Variants in OXNAD1 observed in about 807,000 individuals in gnomAD.
OXNAD1 encodes the protein oxidoreductase NAD-binding domain-containing protein 1.
Under a neutral mutation model 32.9 loss-of-function variants are expected in OXNAD1, and 34 were observed. The observed-to-expected ratio is 1.03, with a 90% confidence interval of 0.79 to 1.38. The LOEUF is 1.38. Ranked by LOEUF, OXNAD1 falls within the 40% of genes most tolerant of loss-of-function variation. The pLI is 0.00. For synonymous variants in OXNAD1, 134 were observed against 135.2 expected, an observed-to-expected ratio of 0.99 and a Z score of 0.06; for missense variants, 407 against 379.4, an observed-to-expected ratio of 1.07 and a Z score of -0.60.
At position 16,288,768 on chromosome 3, in the gene OXNAD1, G is replaced by A. The variant is rs968736332; in HGVS notation, c.290+2320G>A. Among the ~76,000 whole-genome samples, 3 of 152,210 alleles carry A rather than the reference G, an allele frequency of 2.0e-5. No homozygotes were observed. Among genetic ancestry groups the A allele is most frequent in the African/African-American group, 7.2e-5 (3 of 41,446 alleles). ...GCCTACCACTTGCTAGCTCCTTGGT[G>A]AGGCCTGCCCTTGACCAGAATTCCT... On this transcript the variant is annotated intron_variant, in intron 5 of 8. Transcript: ENST00000285083. The surrounding 1 kb of genome is among the most constrained non-coding windows in gnomAD (Gnocchi z 5.1).
At chr3:16,332,858 C>T (rs2070464761) in intron 9 of OXNAD1, among the ~76,000 whole-genome samples, 1 of 151,910 alleles carries the variant, frequency 6.6e-6, no homozygotes, top group African/African-American at 2.4e-5. Flanking sequence ...TACCTACCTA[C>T]AATTGAACCT....
downstream of OXNAD1, among the ~76,000 whole-genome samples, chr3:16,310,779 C>T (rs934664492): frequency 2.6e-5 from 4 of 152,060 alleles, no homozygotes; most frequent in African/African-American, 4.8e-5. Flanking sequence ...CACCTGAGGT[C>T]GGGAGTTCAA....
Position 16,303,430 on chromosome 3 carries a change from G to C in OXNAD1, c.807G>C (p.Glu269Asp). The change falls in exon 9 of 9, where the codon GAG (glutamate) becomes GAC (aspartate). Residue 269 changes from glutamate to aspartate, a missense_variant. Glu to Asp is a conservative substitution (Grantham distance 45, BLOSUM62 2). Coordinates refer to ENST00000285083, the MANE Select transcript of OXNAD1 (RefSeq NM_138381.5). This position sits in a 1 kb window ranked among gnomAD's most constrained non-coding sequence, Gnocchi z 4.8. ...YITEGRITEK[E>D]IRDHISKETL... is the part of the protein sequence containing the mutation. ...TAGAAGGAAGAATAACGGAGAAGGAGATAAGAGATCATATTTCAAAAGAGA... is the reference window on the plus strand; with the variant it reads ...TAGAAGGAAGAATAACGGAGAAGGACATAAGAGATCATATTTCAAAAGAGA... 1 of 1,613,970 alleles carries C rather than the reference G, an allele frequency of 6.2e-7. No homozygotes were observed. The highest frequency in any genetic ancestry group is 8.5e-7 in the Non-Finnish European group (1 of 1,179,874).
downstream of OXNAD1, among the ~76,000 whole-genome samples, chr3:16,351,304 G>C (rs547972989): frequency 3.3e-5 from 5 of 152,300 alleles, no homozygotes; most frequent in Admixed American, 2.6e-4. The surrounding 1 kb of genome is among the most constrained non-coding windows in gnomAD (Gnocchi z 5.4). Context: ...CCAGTCAGGA[G>C]CCTCCATACA....
rs690573 is a variant in OXNAD1, at chr3:16,334,933, G to T, written c.*31-2179G>T. 0.35 allele frequency among the ~76,000 whole-genome samples: 53,465 copies of T among 151,980 alleles called. 10,344 individuals carry two copies. The highest frequency in any genetic ancestry group is 0.43 in the Non-Finnish European group (28,916 of 67,936). On this transcript the variant is annotated intron_variant, in intron 9 of 9. Transcript: ENST00000435829. The surrounding 1 kb of genome is among the most constrained non-coding windows in gnomAD (Gnocchi z 4.3). ...AAGAGATGTGATGGCAGCAGCAGAG[G>T]CTGGAGTGATGCAGGGAAGGGGCCA...
intron 9 of OXNAD1, among the ~76,000 whole-genome samples, chr3:16,332,337 C>T (rs1208678540): frequency 1.3e-5 from 1 of 78,510 alleles, no homozygotes; most frequent in Non-Finnish European, 2.8e-5. Flanking sequence ...TTCATTTTGT[C>T]TTCCAACTTT....
rs2066983531 is a variant in OXNAD1, at chr3:16,298,864, T to G, written c.433-2762T>G. ...GTAATTGAAGGTAATGTCCTTTTAT[T>G]CACTTACATATTACAGTGTACAGTA... On this transcript the variant is annotated intron_variant, in intron 6 of 8. Transcript: ENST00000285083. The surrounding 1 kb of genome is among the most constrained non-coding windows in gnomAD (Gnocchi z 5.1). Among the ~76,000 whole-genome samples, 1 of 152,228 alleles carries G rather than the reference T, an allele frequency of 6.6e-6. No individual in the cohort carries two copies. Among genetic ancestry groups the G allele is most frequent in the Non-Finnish European group, 1.5e-5 (1 of 68,042 alleles).
rs1399223199 is a variant in OXNAD1 at position 16,284,138 on chromosome 3, A to G, written c.184-2204A>G. 1.3e-5 allele frequency among the ~76,000 whole-genome samples: 2 copies of G among 152,210 alleles called. No homozygotes were observed. Among genetic ancestry groups the G allele is most frequent in the African/African-American group, 4.8e-5 (2 of 41,460 alleles). On this transcript the variant is annotated intron_variant, in intron 4 of 8. Transcript: ENST00000285083. This position sits in a 1 kb window ranked among gnomAD's most constrained non-coding sequence, Gnocchi z 4.1. ...CACTGGTAAAAACATGTACAAGCCC[A>G]CCACACTGCAGTTTCTTGTTGTCCA...
Position 16,327,464 on chromosome 3 carries a change from A to C in OXNAD1, c.*31-9648A>C, listed in dbSNP as rs1202397437. Reference sequence around the variant, plus strand: ...GGAACTAACATTTGTCTTTCAGTTAAAAAACTCAGCCCCGGCCGGGTGCTG... The same window carrying C: ...GGAACTAACATTTGTCTTTCAGTTACAAAACTCAGCCCCGGCCGGGTGCTG... On this transcript the variant is annotated intron_variant, in intron 9 of 9. Coordinates refer to the OXNAD1 transcript ENST00000435829. The surrounding 1 kb of genome is among the most constrained non-coding windows in gnomAD (Gnocchi z 4.2). 6.6e-6 allele frequency among the ~76,000 whole-genome samples: 1 copy of C among 152,206 alleles called. No individual in the cohort carries two copies. The highest frequency in any genetic ancestry group is 1.5e-5 in the Non-Finnish European group (1 of 68,036).
intron 5 of OXNAD1, among the ~76,000 whole-genome samples, chr3:16,294,097 TC>T (rs1296762746): frequency 6.6e-6 from 1 of 152,088 alleles, no homozygotes; most frequent in Admixed American, 6.6e-5. Context: ...ATAAAATGAG[TC>T]GAGAAGTGTT....
In OXNAD1 at chr3:16,270,971, A is replaced by G; in HGVS notation, c.19A>G (p.Met7Val). 1 of 1,614,178 alleles carries G rather than the reference A, an allele frequency of 6.2e-7. No individual in the cohort carries two copies. Among genetic ancestry groups the G allele is most frequent in the Non-Finnish European group, 8.5e-7 (1 of 1,180,030 alleles). MACAAV[M>V]IPGLLRCSVG... ...AAGCGCCATGGCCTGTGCTGCTGTTATGATTCCTGGGTTGTTGCGGTGCTC... is the reference window on the plus strand; with the variant it reads ...AAGCGCCATGGCCTGTGCTGCTGTTGTGATTCCTGGGTTGTTGCGGTGCTC... Residue 7 changes from methionine (M) to valine (V), a missense_variant, in exon 3 of 9, where the codon ATG becomes GTG. Coordinates refer to ENST00000285083, the MANE Select transcript of OXNAD1 (RefSeq NM_138381.5).
chr3:16,285,050 T>A (rs1488291448), intron 4 of OXNAD1, among the ~76,000 whole-genome samples: 7 of 152,082 alleles, frequency 4.6e-5, no homozygotes, highest in Non-Finnish European at 1.0e-4. Flanking sequence ...AGAGGGTCAG[T>A]AATGGAAAAT....
rs2067247873 is a variant in OXNAD1 at position 16,302,408 on chromosome 3, C to A, written c.676-232C>A. Among the ~76,000 whole-genome samples the A allele has an allele frequency of 6.6e-6, 1 of 152,144 alleles. No individual in the cohort carries two copies. Among genetic ancestry groups the A allele is most frequent in the Non-Finnish European group, 1.5e-5 (1 of 68,020 alleles). ...TGAGAAAAAGGAAAAAGAAAAAACT[C>A]CCGGAGAGTTGGTAATATGCTTGTT... On this transcript the variant is annotated intron_variant, in intron 7 of 8. Coordinates refer to ENST00000285083, the MANE Select transcript of OXNAD1 (RefSeq NM_138381.5). This position sits in a 1 kb window ranked among gnomAD's most constrained non-coding sequence, Gnocchi z 4.2.
downstream of OXNAD1, among the ~76,000 whole-genome samples, chr3:16,307,781 GACA>G (rs2067667976): frequency 5.6e-5 from 1 of 17,814 alleles, no homozygotes; most frequent in African/African-American, 7.8e-4. Context: ...GAGTTGCAAA[GACA>G]AGACAGGGTT....
intron 9 of OXNAD1, chr3:16,313,767 G>C (rs1027299963): frequency 6.6e-6 from 1 of 152,012 alleles, no homozygotes; most frequent in Non-Finnish European, 1.5e-5. Flanking sequence ...AGCCCAGCTG[G>C]GCTTTTCCAC....
chr3:16,333,856 C>T (rs1330010979), intron 9 of OXNAD1, among the ~76,000 whole-genome samples: 1 of 152,168 alleles, frequency 6.6e-6, no homozygotes, highest in Non-Finnish European at 1.5e-5. Flanking sequence ...TGCAGAATCT[C>T]ATAAGAAAAA....
intron 4 of OXNAD1, chr3:16,276,681 G>A (rs539127274): frequency 2.6e-5 from 4 of 152,406 alleles, no homozygotes; most frequent in African/African-American, 4.8e-5. Context: ...TGGGAGACCC[G>A]GGGCCAGCAA....
chr3:16,285,207 A>G (rs899706855), intron 4 of OXNAD1, among the ~76,000 whole-genome samples: 5 of 152,234 alleles, frequency 3.3e-5, no homozygotes, highest in Non-Finnish European at 7.3e-5. Flanking sequence ...ATCCATCATG[A>G]GAATTATCCA....
At chr3:16,315,887 C>G (rs879905783) in intron 9 of OXNAD1, 3 of 152,238 alleles carry the variant, frequency 2.0e-5, no homozygotes, top group Non-Finnish European at 4.4e-5. Context: ...CCGTAAGTAA[C>G]TAAACAAGAG....
Sources: allele counts gnomAD v4.1 joint callset (sites outside exome capture counted in the v4.1 genomes callset), GRCh38; gene constraint gnomAD v4.1.1; non-coding constraint Gnocchi (gnomAD v3.1); transcripts MANE v1.5; gene names NCBI Gene and HGNC (gene_info 2026-07-23, HGNC 2026-07-21).